The following CCNT1 variants were observed in gnomAD, a reference collection of about 807,000 sequenced individuals.
CCNT1 encodes the protein cyclin-T1.
In CCNT1, 18 loss-of-function variants were observed where a neutral mutation model predicts 67.3. That is an observed-to-expected ratio of 0.27 (90% CI 0.18 to 0.40). The LOEUF is 0.40. Among genes scored for constraint, CCNT1 ranks in the 10% least tolerant of loss-of-function variants. The pLI is 1.00. For missense variants in CCNT1, 744 were observed against 884.9 expected (o/e 0.84, Z 2.02); for synonymous variants, 333 against 310.3 (o/e 1.07, Z -0.77).
In CCNT1 at chr12:48,705,907, A is replaced by G. The variant is rs1428232434; in HGVS notation, c.244-11T>C. 2 of 1,604,612 alleles carry G rather than the reference A, an allele frequency of 1.2e-6. No individual in the cohort carries two copies. The highest frequency in any genetic ancestry group is 1.1e-5 in the South Asian group (1 of 89,984). ...TGCTGGAGCCACAGACTGAATGGAGAGAAAATAAATCATATTTATTATCAA... is the reference window on the plus strand; with the variant it reads ...TGCTGGAGCCACAGACTGAATGGAGGGAAAATAAATCATATTTATTATCAA... On this transcript the variant is annotated splice_polypyrimidine_tract_variant and intron_variant, in intron 2 of 8. Transcript: ENST00000261900.
chr12:48,704,337 C>T (rs1940321117), intron 3 of CCNT1, among the ~76,000 whole-genome samples: 1 of 152,244 alleles, frequency 6.6e-6, no homozygotes, highest in Non-Finnish European at 1.5e-5. Context: ...CATATTGCCA[C>T]CTGAGCACTG....
intron 3 of CCNT1, among the ~76,000 whole-genome samples, chr12:48,703,400 C>A (rs574416385): frequency 6.6e-6 from 1 of 151,796 alleles, no homozygotes; most frequent in Admixed American, 6.6e-5. Context: ...ATGGAGAAAC[C>A]CCGTTTCAAC....
intron 2 of CCNT1, among the ~76,000 whole-genome samples, chr12:48,708,180 C>T (rs1940393049): frequency 6.6e-6 from 1 of 151,848 alleles, no homozygotes; most frequent in African/African-American, 2.4e-5. Context: ...TCAAGATCAG[C>T]CTGCGTAACA....
rs765880920 is a variant in CCNT1 at position 48,716,502 on chromosome 12, G to T, written c.161+13C>A. 1 of 1,609,014 alleles carries T rather than the reference G, an allele frequency of 6.2e-7. No homozygotes were observed. The highest frequency in any genetic ancestry group is 8.5e-7 in the Non-Finnish European group (1 of 1,176,714). ...ACCAACTCCAAGGCCGAAGGCCTAG[G>T]CCACAAGGATACACGTTAAGACGCT... On this transcript the variant is annotated intron_variant, in intron 1 of 8. Transcript: ENST00000261900.
intron 2 of CCNT1, 124 bp from the exon 3 acceptor site, chr12:48,706,020 A>C (rs1592123982): frequency 1.2e-6 from 1 of 848,768 alleles, no homozygotes; most frequent in Admixed American, 3.1e-5. Flanking sequence ...TCACCTCTTT[A>C]CCCTTTCCCG....
intron 3 of CCNT1, among the ~76,000 whole-genome samples, chr12:48,703,926 CAAA>C (rs57899892): frequency 6.1e-5 from 6 of 98,746 alleles, no homozygotes; most frequent in Non-Finnish European, 6.5e-5. Context: ...ACCCTGTCTC[CAAA>C]AAAAAAAAAA....
At chr12:48,714,650 T>C (rs1189087007) in intron 1 of CCNT1, 126 bp from the exon 2 acceptor site, 2 of 605,476 alleles carry the variant, frequency 3.3e-6, no homozygotes, top group Non-Finnish European at 5.9e-6. Context: ...ATCATACTTA[T>C]CTCTCCAAAT....
rs1405189451 is a variant in CCNT1, at chr12:48,694,502, G to A, written c.778-66C>T. 5.2e-5 allele frequency: 74 copies of A among 1,428,196 alleles called. No homozygotes were observed. The East Asian group carries it at 1.7e-3, about 33-fold the overall frequency. The allele number at this position is 1,428,196 out of a possible 1,614,324, so 88.5% of individuals were successfully genotyped here. A position where few individuals can be genotyped will look rare whatever the true frequency, so the allele number is the denominator to read the frequency against. ...ACTAAATAAAAAAACACTGAGATGA[G>A]TAGATTGTACTTGCAGCAACACTGG... On this transcript the variant is annotated intron_variant, in intron 8 of 8. Coordinates refer to ENST00000261900, the MANE Select transcript of CCNT1 (RefSeq NM_001240.4).
At chr12:48,700,970 A>G (rs1437184220) in intron 4 of CCNT1, 43 bp downstream of exon 4, 4 of 1,177,156 alleles carry the variant, frequency 3.4e-6, no homozygotes, top group Non-Finnish European at 3.7e-6. Context: ...AAATCATTTT[A>G]TTGCATAATT....
At position 48,711,953 on chromosome 12, in the gene CCNT1, C is replaced by T. The variant is rs532477609; in HGVS notation, c.243+2490G>A. Among the ~76,000 whole-genome samples the T allele has an allele frequency of 2.6e-4, 39 of 152,166 alleles. No homozygotes were observed. The South Asian group carries it at 4.1e-3, about 16-fold the overall frequency. On this transcript the variant is annotated intron_variant, in intron 2 of 8. Coordinates refer to ENST00000261900, the MANE Select transcript of CCNT1 (RefSeq NM_001240.4). The stretch of plus-strand genomic sequence containing the variant: ...GACTACAGGCGCCCACCGCCACGCC[C>T]GGCTAATTTTTTTTGTATTTTTAGT...
chr12:48,711,661 C>T (rs78454708), intron 2 of CCNT1, among the ~76,000 whole-genome samples: 3,498 of 152,228 alleles, frequency 0.023, 63 homozygotes, highest in Non-Finnish European at 0.035. Flanking sequence ...TAAATGCTAA[C>T]AGGCTTCTCT....
chr12:48,716,376 A>C, intron 1 of CCNT1, 139 bp downstream of exon 1: 1 of 756,690 alleles, frequency 1.3e-6, no homozygotes, highest in South Asian at 2.1e-5. Context: ...AGCCCGCCCC[A>C]TCGTGGGCTC....
In CCNT1 at chr12:48,691,960, C is replaced by T. The variant is rs1056589890; in HGVS notation, c.*1073G>A. ...TTTCACAGGCAGGATATACATAGCA[C>T]ATTCCCCATCTCTTAGAGACCTTAA... On this transcript the variant is annotated 3_prime_UTR_variant, in exon 9 of 9. Coordinates refer to ENST00000261900, the MANE Select transcript of CCNT1 (RefSeq NM_001240.4). 9.2e-5 allele frequency: 14 copies of T among 152,118 alleles called. No individual in the cohort carries two copies. The highest frequency in any genetic ancestry group is 1.9e-4 in the Non-Finnish European group (13 of 68,040). The allele number at this position is 152,118 out of a possible 1,614,324, so 9.4% of individuals were successfully genotyped here.
chr12:48,709,895 A>ATT (rs202022157), intron 2 of CCNT1, among the ~76,000 whole-genome samples: 282 of 142,806 alleles, frequency 2.0e-3, no homozygotes, highest in Middle Eastern at 0.015. Context: ...GGGTTTCTTC[A>ATT]TTTTTTTTTT....
In CCNT1 at chr12:48,701,023, C is replaced by G. The variant is rs1240416698; in HGVS notation, c.423G>C (p.Leu141Phe). ...QDLVILESII[L>F]QTLGFELTID... Reference sequence around the variant, plus strand: ...GGAAAATAAACTTACCTAAAGTCTGCAAAATTATGCTTTCTAAAATGACCA... The same window carrying G: ...GGAAAATAAACTTACCTAAAGTCTGGAAAATTATGCTTTCTAAAATGACCA... Residue 141 changes from leucine to phenylalanine, a missense_variant, in exon 4 of 9, where the codon TTG (leucine) becomes TTC (phenylalanine). Physicochemically the swap from Leu to Phe is conservative, Grantham distance 22. This residue lies in a region of CCNT1 where 142 missense variants were observed against 277.0 expected (regional missense o/e 0.51). Transcript: ENST00000261900. 1 of 1,570,378 alleles carries G rather than the reference C, an allele frequency of 6.4e-7. No homozygotes were observed. The highest frequency in any genetic ancestry group is 1.8e-5 in the Admixed American group (1 of 55,540).
intron 5 of CCNT1, among the ~76,000 whole-genome samples, chr12:48,698,621 G>A (rs1940217802): frequency 1.3e-5 from 2 of 152,190 alleles, no homozygotes; most frequent in African/African-American, 4.8e-5. Flanking sequence ...GAATCTAGAA[G>A]ACTTTGACAT....
At chr12:48,713,189 ATTT>A (rs766545993) in intron 2 of CCNT1, among the ~76,000 whole-genome samples, 25 of 140,890 alleles carry the variant, frequency 1.8e-4, no homozygotes, top group Non-Finnish European at 1.5e-4. Context: ...TCTTTGTAAA[ATTT>A]TTTTTACCTT....
intron 5 of CCNT1, among the ~76,000 whole-genome samples, chr12:48,698,918 T>C (rs140098442): frequency 7.3e-5 from 11 of 151,314 alleles, no homozygotes; most frequent in African/African-American, 2.4e-4. Flanking sequence ...ATCGTGCTAC[T>C]GCACTCCACC....
intron 3 of CCNT1, among the ~76,000 whole-genome samples, chr12:48,703,306 G>T (rs1010866541): frequency 6.6e-6 from 1 of 152,098 alleles, no homozygotes; most frequent in Admixed American, 6.6e-5. Flanking sequence ...GGACATGGTG[G>T]CTCACGCCTA....
Sources: allele counts gnomAD v4.1 joint callset (sites outside exome capture counted in the v4.1 genomes callset), GRCh38; gene constraint gnomAD v4.1.1; regional missense constraint gnomAD v4.1.1; transcripts MANE v1.5; gene names NCBI Gene and HGNC (gene_info 2026-07-23, HGNC 2026-07-21).